ANAPC15: variants seen among roughly 807,000 people sequenced by gnomAD.
The protein encoded by ANAPC15 is anaphase-promoting complex subunit 15.
A neutral mutation model predicts 19.8 loss-of-function variants in ANAPC15; 13 were observed. The observed-to-expected ratio is 0.66, with a 90% confidence interval of 0.43 to 1.04. ANAPC15 has a LOEUF of 1.04. Among genes scored for constraint, ANAPC15 ranks in the 50% least tolerant of loss-of-function variants. ANAPC15 has a pLI of 0.00. For missense variants in ANAPC15, 88 were observed against 150.3 expected (o/e 0.59, Z 2.17); for synonymous variants, 45 against 50.7 (o/e 0.89, Z 0.47).
downstream of ANAPC15, chr11:72,106,577 T>C: frequency 5.9e-6 from 1 of 170,534 alleles, no homozygotes; most frequent in Non-Finnish European, 1.2e-5. Context: ...CATGGAGGCT[T>C]CCACATACCA....
chr11:72,107,699 AG>A, downstream of ANAPC15: 1 of 616,644 alleles, frequency 1.6e-6, no homozygotes, highest in Non-Finnish European at 2.9e-6. Context: ...ACAGGAGCCA[AG>A]GAGTAATAAG....
chr11:72,110,466 G>C, intron 4 of ANAPC15, 78 bp downstream of exon 4: 1 of 1,593,460 alleles, frequency 6.3e-7, no homozygotes, highest in Non-Finnish European at 8.6e-7. Context: ...CTGGGTCAGA[G>C]ACAGGACATT....
downstream of ANAPC15, chr11:72,108,938 G>C: frequency 6.6e-7 from 1 of 1,506,676 alleles, no homozygotes; most frequent in South Asian, 1.3e-5. Context: ...TCCAGGCCCA[G>C]GGGTACTTAC....
At position 72,109,846 on chromosome 11, in the gene ANAPC15, C is replaced by G; in HGVS notation, c.*35G>C. The stretch of plus-strand genomic sequence containing the variant: ...GGGATGCAGGGTAGTTTGGGCTGGC[C>G]TGGAATCTCCCTGAGGCCACCCTGC... On this transcript the variant is annotated 3_prime_UTR_variant, in exon 6 of 6. Coordinates refer to ENST00000227618, the MANE Select transcript of ANAPC15 (RefSeq NM_014042.3). 1 of 1,612,318 alleles carries G rather than the reference C, an allele frequency of 6.2e-7. No homozygotes were observed. The highest frequency in any genetic ancestry group is 8.5e-7 in the Non-Finnish European group (1 of 1,179,786).
At chr11:72,109,092 G>T, downstream of ANAPC15, 1 of 624,244 alleles carries the variant, frequency 1.6e-6, no homozygotes, top group Non-Finnish European at 2.7e-6. Context: ...CTGACCTCAA[G>T]TGTCAAGTTC....
At chr11:72,107,498 C>T (rs1030812582), downstream of ANAPC15, 17 of 702,834 alleles carry the variant, frequency 2.4e-5, no homozygotes, top group Non-Finnish European at 3.6e-5. Flanking sequence ...AAGCCAGCCA[C>T]ATATACACAT....
downstream of ANAPC15, chr11:72,106,397 C>T (rs1945696283): frequency 1.6e-6 from 1 of 609,890 alleles, no homozygotes; most frequent in African/African-American, 1.8e-5. Flanking sequence ...TTTATTGCCA[C>T]CTCTTTTGTA....
intron 3 of ANAPC15, 34 bp from the exon 4 acceptor site, chr11:72,110,637 GC>G (rs766174504): frequency 8.7e-6 from 14 of 1,613,746 alleles, no homozygotes; most frequent in Non-Finnish European, 1.2e-5. Context: ...CAAGGCCAGA[GC>G]CCAAGTAGGG....
At chr11:72,108,189 G>A, downstream of ANAPC15, 6 of 1,362,104 alleles carry the variant, frequency 4.4e-6, no homozygotes, top group South Asian at 7.9e-5. Context: ...CCCTTGTGAA[G>A]GACTCCCATC....
At chr11:72,108,231 C>T (rs1945912823), downstream of ANAPC15, 1 of 937,956 alleles carries the variant, frequency 1.1e-6, no homozygotes, top group Non-Finnish European at 1.5e-6. Context: ...ACTCTGGGGA[C>T]TGTGATGCTG....
chr11:72,110,273 A>T, intron 4 of ANAPC15, 48 bp from the exon 5 acceptor site: 1 of 1,608,966 alleles, frequency 6.2e-7, no homozygotes, highest in Non-Finnish European at 8.5e-7. Context: ...TGCATGGACC[A>T]GTTCAAGAAC....
downstream of ANAPC15, chr11:72,107,816 C>T (rs1945838494): frequency 1.0e-5 from 13 of 1,260,984 alleles, no homozygotes; most frequent in African/African-American, 1.5e-5. Context: ...GATGAGACCC[C>T]GGCTGGTTGG....
chr11:72,111,863 T>C (rs1947061676), intron 1 of ANAPC15: 1 of 153,466 alleles, frequency 6.5e-6, no homozygotes, highest in African/African-American at 2.4e-5. Context: ...CAGTAAGACA[T>C]TCTAGGAGGC....
intron 1 of ANAPC15, chr11:72,112,089 G>A: frequency 6.5e-6 from 1 of 153,224 alleles, no homozygotes; most frequent in Non-Finnish European, 1.5e-5. Context: ...AAAGGGATGA[G>A]CAGGAGAAAA....
chr11:72,108,734 G>A, downstream of ANAPC15: 1 of 1,550,454 alleles, frequency 6.4e-7, no homozygotes, highest in Non-Finnish European at 8.7e-7. Flanking sequence ...GCAGCTGCTG[G>A]AGGCCCATGC....
downstream of ANAPC15, chr11:72,108,137 C>G (rs1250157162): frequency 3.4e-6 from 5 of 1,477,414 alleles, no homozygotes; most frequent in Non-Finnish European, 3.6e-6. Flanking sequence ...TCCCATCTCC[C>G]CAACCCAGAT....
At chr11:72,109,196 T>C, downstream of ANAPC15, 1 of 498,432 alleles carries the variant, frequency 2.0e-6, no homozygotes, top group East Asian at 3.8e-5. Flanking sequence ...GCTCTGTCAC[T>C]GATTTGCTGA....
chr11:72,108,077 G>C, downstream of ANAPC15: 1 of 1,539,130 alleles, frequency 6.5e-7, no homozygotes, highest in Non-Finnish European at 8.8e-7. Context: ...CGGCAGCAGT[G>C]GCTGAAAAAC....
chr11:72,110,925 C>A, intron 3 of ANAPC15: 1 of 580,180 alleles, frequency 1.7e-6, no homozygotes, highest in South Asian at 2.2e-5. Flanking sequence ...AGAGCTTGGG[C>A]TGAGTGTCAG....
Sources: gnomAD v4.1 joint callset for allele counts on GRCh38, gnomAD v4.1.1 for gene constraint, MANE v1.5 for transcripts, NCBI Gene and HGNC (gene_info 2026-07-23, HGNC 2026-07-21) for gene names.